Variants in TBCK observed in about 807,000 individuals in gnomAD.
TBCK encodes the protein TBC domain-containing protein kinase-like protein.
A neutral mutation model predicts 113.4 loss-of-function variants in TBCK; 99 were observed. That is an observed-to-expected ratio of 0.87 (90% CI 0.74 to 1.03). TBCK has a LOEUF of 1.03. TBCK is among the 50% of genes least tolerant of loss of function. TBCK has a pLI of 0.00. For synonymous variants in TBCK, 369 were observed against 370.8 expected, an observed-to-expected ratio of 1.00 and a Z score of 0.05; for missense variants, 1,045 against 1,061.3, an observed-to-expected ratio of 0.98 and a Z score of 0.21.
intron 19 of TBCK, among the ~76,000 whole-genome samples, chr4:106,221,412 T>G (rs935126570): frequency 1.3e-5 from 2 of 152,168 alleles, no homozygotes; most frequent in Non-Finnish European, 2.9e-5. Flanking sequence ...ACTTCATATA[T>G]GCAAATATAA....
intron 23 of TBCK, among the ~76,000 whole-genome samples, chr4:106,156,562 T>A (rs1285808327): frequency 6.6e-6 from 1 of 152,198 alleles, no homozygotes; most frequent in Admixed American, 6.5e-5. Flanking sequence ...GTACTGTGGC[T>A]AAGCTGGCAC....
chr4:106,249,537 C>T (rs1310196646), intron 7 of TBCK, among the ~76,000 whole-genome samples: 1 of 152,148 alleles, frequency 6.6e-6, no homozygotes, highest in Non-Finnish European at 1.5e-5. Context: ...TGTATGTAAA[C>T]AGCGCTTTTT....
intron 24 of TBCK, among the ~76,000 whole-genome samples, chr4:106,110,377 G>A (rs573114653): frequency 5.9e-5 from 9 of 152,306 alleles, no homozygotes; most frequent in South Asian, 4.1e-4. Flanking sequence ...AAAAGACTGC[G>A]CAGTCAGTAA....
chr4:106,276,671 T>C (rs1056305049), intron 3 of TBCK, among the ~76,000 whole-genome samples: 3 of 152,114 alleles, frequency 2.0e-5, no homozygotes, highest in Non-Finnish European at 4.4e-5. Context: ...GGTGGGTTGA[T>C]CACCTGAGGT....
intron 22 of TBCK, among the ~76,000 whole-genome samples, chr4:106,181,247 C>A (rs1277377305): frequency 6.6e-6 from 1 of 151,954 alleles, no homozygotes; most frequent in Non-Finnish European, 1.5e-5. Flanking sequence ...TGTTTAAGTT[C>A]TTTATAGATG....
intron 23 of TBCK, among the ~76,000 whole-genome samples, chr4:106,147,716 C>G (rs916522111): frequency 2.6e-5 from 4 of 151,892 alleles, no homozygotes; most frequent in Admixed American, 6.6e-5. Flanking sequence ...GTGATAATTG[C>G]ATTAACTGCA....
At chr4:106,229,755 A>ATT (rs139747244) in intron 19 of TBCK, among the ~76,000 whole-genome samples, 2 of 150,958 alleles carry the variant, frequency 1.3e-5, no homozygotes, top group Non-Finnish European at 3.0e-5. Context: ...AAATTTTAGG[A>ATT]TTTTTTTTTC....
intron 24 of TBCK, among the ~76,000 whole-genome samples, chr4:106,110,320 G>A (rs1272564009): frequency 1.3e-5 from 2 of 152,204 alleles, no homozygotes; most frequent in African/African-American, 2.4e-5. Flanking sequence ...TGCTCCACAT[G>A]AGGAATGCTG....
At chr4:106,070,247 A>T (rs992595959) in intron 25 of TBCK, among the ~76,000 whole-genome samples, 30 of 152,102 alleles carry the variant, frequency 2.0e-4, no homozygotes, top group Non-Finnish European at 4.0e-4. Flanking sequence ...TTCCAGTTTT[A>T]GCCCATTCAG....
At chr4:106,154,476 C>A (rs1748891139) in intron 23 of TBCK, among the ~76,000 whole-genome samples, 3 of 152,138 alleles carry the variant, frequency 2.0e-5, no homozygotes, top group Admixed American at 2.0e-4. Context: ...CCACCCAAAT[C>A]TCATGTCAAA....
At chr4:106,292,951 T>C (rs770316129) in intron 3 of TBCK, among the ~76,000 whole-genome samples, 1 of 152,232 alleles carries the variant, frequency 6.6e-6, no homozygotes, top group Non-Finnish European at 1.5e-5. Context: ...ATTTCTGACA[T>C]GTTTCAAACA....
intron 23 of TBCK, among the ~76,000 whole-genome samples, chr4:106,130,667 G>A (rs1188608717): frequency 6.6e-6 from 1 of 151,108 alleles, no homozygotes; most frequent in Non-Finnish European, 1.5e-5. Flanking sequence ...TCTGAGTAGT[G>A]GAATTAATTT....
intron 3 of TBCK, among the ~76,000 whole-genome samples, chr4:106,292,826 G>C (rs1399028280): frequency 2.0e-5 from 3 of 152,116 alleles, no homozygotes; most frequent in African/African-American, 4.8e-5. Context: ...TATTCAACCT[G>C]CTCAACAAAC....
At chr4:106,273,838 G>A (rs1763746728) in intron 3 of TBCK, among the ~76,000 whole-genome samples, 2 of 152,240 alleles carry the variant, frequency 1.3e-5, no homozygotes, top group African/African-American at 4.8e-5. Context: ...GGCCTCCAGA[G>A]CTGAGAGAGA....
intron 23 of TBCK, among the ~76,000 whole-genome samples, chr4:106,158,925 C>A (rs1421731400): frequency 1.3e-5 from 2 of 151,060 alleles, no homozygotes; most frequent in Non-Finnish European, 2.9e-5. Flanking sequence ...AATTCAAAAG[C>A]ATATTAAAAT....
chr4:106,253,609 A>G (rs187637525), intron 5 of TBCK, among the ~76,000 whole-genome samples: 1 of 152,276 alleles, frequency 6.6e-6, no homozygotes, highest in Non-Finnish European at 1.5e-5. Context: ...CTTCACCAAC[A>G]CTTGATATTT....
chr4:106,111,680 C>T lies in TBCK; in HGVS notation c.2411+4523G>A, dbSNP rs1010137782. Reference sequence around the variant, plus strand: ...TACTTTTCAAGTCACATGCCTCTGTCGTAAAGAATACACAGTTAAGAGGTT... The same window carrying T: ...TACTTTTCAAGTCACATGCCTCTGTTGTAAAGAATACACAGTTAAGAGGTT... On this transcript the variant is annotated intron_variant, in intron 24 of 25. Transcript: ENST00000394708. 2.0e-5 allele frequency among the ~76,000 whole-genome samples: 3 copies of T among 152,136 alleles called. No homozygotes were observed. In the South Asian group the frequency reaches 6.2e-4, roughly 31 times the overall value.
chr4:106,241,151 T>C (rs905492867), intron 12 of TBCK, among the ~76,000 whole-genome samples: 23 of 151,884 alleles, frequency 1.5e-4, no homozygotes, highest in Non-Finnish European at 1.0e-4. Context: ...TACTTACATA[T>C]ATATATATAT....
chr4:106,195,492 T>TGTG (rs371211369), intron 20 of TBCK, among the ~76,000 whole-genome samples: 17,124 of 148,936 alleles, frequency 0.11, 1,243 homozygotes, highest in South Asian at 0.22. Context: ...ATGTGTGTGT[T>TGTG]TGTGTGTGTG....
Sources: gnomAD v4.1 joint callset for allele counts (sites outside exome capture counted in the v4.1 genomes callset) on GRCh38, gnomAD v4.1.1 for gene constraint, MANE v1.5 for transcripts, NCBI Gene and HGNC (gene_info 2026-07-23, HGNC 2026-07-21) for gene names.